The following LOC128125817 variants were observed in gnomAD, a reference collection of about 807,000 sequenced individuals.
the LOC128125817 span, among the ~76,000 whole-genome samples, chr1:41,596,175 G>A: frequency 6.6e-6 from 1 of 152,146 alleles, no homozygotes; most frequent in Non-Finnish European, 1.5e-5. Flanking sequence ...CCCAAACTGT[G>A]AAGCCTCATT....
At chr1:41,601,126 T>A in the LOC128125817 span, among the ~76,000 whole-genome samples, 3 of 152,222 alleles carry the variant, frequency 2.0e-5, no homozygotes, top group East Asian at 5.8e-4. Flanking sequence ...TCTGTCTTTA[T>A]GTCAGTACCA....
chr1:41,596,389 C>T, the LOC128125817 span, among the ~76,000 whole-genome samples: 180 of 152,094 alleles, frequency 1.2e-3, no homozygotes, highest in African/African-American at 3.6e-3. Flanking sequence ...CCATAGATAG[C>T]CTGTGTTGGA....
the LOC128125817 span, among the ~76,000 whole-genome samples, chr1:41,586,557 C>T: frequency 3.5e-5 from 5 of 141,618 alleles, no homozygotes; most frequent in Non-Finnish European, 6.5e-5. Context: ...CATGCCCTAC[C>T]CCCGGCATCC....
the LOC128125817 span, among the ~76,000 whole-genome samples, chr1:41,618,211 G>A: frequency 6.6e-5 from 10 of 152,320 alleles, no homozygotes; most frequent in Admixed American, 2.0e-4. Flanking sequence ...GCCAGAGCCC[G>A]GAGCCACCAG....
chr1:41,614,291 C>T, the LOC128125817 span, among the ~76,000 whole-genome samples: 2 of 152,204 alleles, frequency 1.3e-5, no homozygotes, highest in African/African-American at 4.8e-5. Context: ...GGGCCACCAG[C>T]CCTGAGTCTA....
the LOC128125817 span, among the ~76,000 whole-genome samples, chr1:41,623,259 A>G: frequency 6.6e-6 from 1 of 152,176 alleles, no homozygotes. Context: ...AGAAACCACG[A>G]AACTTCCTAC....
At chr1:41,594,178 A>G in the LOC128125817 span, among the ~76,000 whole-genome samples, 1 of 152,220 alleles carries the variant, frequency 6.6e-6, no homozygotes, top group Non-Finnish European at 1.5e-5. Flanking sequence ...TTGGGGGTCC[A>G]TTATTTTGCC....
At chr1:41,605,000 G>A in the LOC128125817 span, among the ~76,000 whole-genome samples, 2 of 151,734 alleles carry the variant, frequency 1.3e-5, no homozygotes, top group Non-Finnish European at 2.9e-5. Context: ...AGCTACTTGG[G>A]AGGTGGAGGT....
chr1:41,593,693 G>C, the LOC128125817 span, among the ~76,000 whole-genome samples: 1 of 152,208 alleles, frequency 6.6e-6, no homozygotes, highest in African/African-American at 2.4e-5. Context: ...TTTAACATTA[G>C]CTAATAAGAA....
chr1:41,598,847 A>G, the LOC128125817 span, among the ~76,000 whole-genome samples: 4 of 138,042 alleles, frequency 2.9e-5, no homozygotes, highest in East Asian at 6.0e-4. Flanking sequence ...ACAGGATCTC[A>G]TTCTGTTGCC....
the LOC128125817 span, among the ~76,000 whole-genome samples, chr1:41,594,758 C>G: frequency 1.3e-5 from 2 of 151,916 alleles, no homozygotes; most frequent in Non-Finnish European, 2.9e-5. Context: ...TAATTTTTCC[C>G]TTTATGACTT....
the LOC128125817 span, among the ~76,000 whole-genome samples, chr1:41,586,305 C>T: frequency 7.2e-5 from 11 of 152,144 alleles, no homozygotes; most frequent in South Asian, 2.1e-4. Flanking sequence ...GGAACAGGGT[C>T]GGAATCCCAA....
the LOC128125817 span, among the ~76,000 whole-genome samples, chr1:41,604,948 A>T: frequency 6.6e-6 from 1 of 151,788 alleles, no homozygotes. Flanking sequence ...TACAAAAAAT[A>T]AATAAAATTA....
At chr1:41,601,696 C>T in the LOC128125817 span, among the ~76,000 whole-genome samples, 13 of 152,190 alleles carry the variant, frequency 8.5e-5, no homozygotes, top group African/African-American at 3.1e-4. Context: ...AACAATTTTA[C>T]TTCTTCCTTT....
the LOC128125817 span, among the ~76,000 whole-genome samples, chr1:41,593,009 A>G: frequency 6.6e-6 from 1 of 151,932 alleles, no homozygotes; most frequent in Non-Finnish European, 1.5e-5. Flanking sequence ...TCAATCCCCA[A>G]ATCTGGTTGT....
chr1:41,600,511 T>A, the LOC128125817 span, among the ~76,000 whole-genome samples: 2 of 152,140 alleles, frequency 1.3e-5, no homozygotes, highest in African/African-American at 4.8e-5. Flanking sequence ...AGTAATCAAA[T>A]TCATAGAGAC....
At chr1:41,606,724 TA>T in the LOC128125817 span, among the ~76,000 whole-genome samples, 1 of 151,888 alleles carries the variant, frequency 6.6e-6, no homozygotes, top group Non-Finnish European at 1.5e-5. Flanking sequence ...CTTACACATT[TA>T]AAAAACTATT....
the LOC128125817 span, among the ~76,000 whole-genome samples, chr1:41,609,276 A>T: frequency 6.6e-6 from 1 of 152,206 alleles, no homozygotes; most frequent in Non-Finnish European, 1.5e-5. Context: ...CTTAGGGGGA[A>T]CACTTCTGAT....
the LOC128125817 span, among the ~76,000 whole-genome samples, chr1:41,613,728 G>T: frequency 6.6e-6 from 1 of 152,106 alleles, no homozygotes. Context: ...AATTCACAGG[G>T]TTGTGCAACC....
Sources: gnomAD v4.1 joint callset for allele counts (sites outside exome capture counted in the v4.1 genomes callset) on GRCh38, gnomAD v4.1.1 for gene constraint, MANE v1.5 for transcripts.